STAG1: variants seen among roughly 807,000 people sequenced by gnomAD.
STAG1 encodes the protein cohesin subunit SA-1.
In STAG1, 26 loss-of-function variants were observed where a neutral mutation model predicts 170.9. The ratio of observed to expected loss-of-function variants is 0.15; its 90% CI spans 0.11 to 0.21. The LOEUF (loss-of-function observed/expected upper bound fraction) is 0.21. Ranked by LOEUF, STAG1 falls within the 10% of genes least tolerant of loss-of-function variation. The pLI is 1.00. For synonymous variants in STAG1, 514 were observed against 497.7 expected (o/e 1.03, Z -0.44); for missense variants, 964 against 1,509.5 (o/e 0.64, Z 5.99).
At chr3:136,454,249 T>C (rs1189773141) in intron 13 of STAG1, among the ~76,000 whole-genome samples, 1 of 151,840 alleles carries the variant, frequency 6.6e-6, no homozygotes, top group Admixed American at 6.6e-5. Flanking sequence ...CAGCTAATTT[T>C]TGTATTTTCT....
At chr3:136,439,389 G>GACACGC (rs2088563296) in intron 15 of STAG1, among the ~76,000 whole-genome samples, 1 of 95,834 alleles carries the variant, frequency 1.0e-5, no homozygotes, top group Admixed American at 1.1e-4. Flanking sequence ...AACACCCCCC[G>GACACGC]ACACACACAC....
chr3:136,553,525 C>A (rs748288106), intron 5 of STAG1, among the ~76,000 whole-genome samples: 53 of 152,298 alleles, frequency 3.5e-4, no homozygotes, highest in Non-Finnish European at 6.5e-4. Flanking sequence ...CCTGTAATCC[C>A]AGCACTTTGG....
intron 32 of STAG1, among the ~76,000 whole-genome samples, chr3:136,339,298 G>A (rs571640379): frequency 6.6e-6 from 1 of 152,284 alleles, no homozygotes; most frequent in African/African-American, 2.4e-5. Flanking sequence ...TCCCAGGTGG[G>A]CGGATCACGA....
chr3:136,398,621 G>A lies in STAG1; in HGVS notation c.2277+128C>T, dbSNP rs112399972. The A allele has an allele frequency of 7.7e-4, 296 of 385,270 alleles. 1 individual carries two copies. Among genetic ancestry groups the A allele is most frequent in the African/African-American group, 2.5e-3 (115 of 45,786 alleles). The allele number at this position is 385,270 out of a possible 1,614,324, so 23.9% of individuals were successfully genotyped here. ...TAAGATAAACCAAGAACTGGTAATA[G>A]TCATATATTTTATTAAATATTACAA... On this transcript the variant is annotated intron_variant, in intron 22 of 33. Transcript: ENST00000383202.
intron 1 of STAG1, among the ~76,000 whole-genome samples, chr3:136,691,444 A>T (rs1942719960): frequency 6.6e-6 from 1 of 151,720 alleles, no homozygotes; most frequent in Non-Finnish European, 1.5e-5. Context: ...AAAAAAAAAA[A>T]TTAGCTGGGC....
chr3:136,658,517 C>T (rs1409398946), intron 1 of STAG1, among the ~76,000 whole-genome samples: 1 of 149,880 alleles, frequency 6.7e-6, no homozygotes, highest in Non-Finnish European at 1.5e-5. Flanking sequence ...ATAATCAGTT[C>T]ATCAATTTCA....
At chr3:136,454,242 C>T (rs1225895421) in intron 13 of STAG1, among the ~76,000 whole-genome samples, 2 of 151,874 alleles carry the variant, frequency 1.3e-5, no homozygotes, top group African/African-American at 2.4e-5. Flanking sequence ...CCATGCCCAG[C>T]TAATTTTTGT....
chr3:136,503,169 C>T (rs1444948938), intron 7 of STAG1, among the ~76,000 whole-genome samples: 1 of 151,882 alleles, frequency 6.6e-6, no homozygotes, highest in East Asian at 1.9e-4. Context: ...AGTACCTTTA[C>T]TTAAATGTGT....
chr3:136,384,350 TGA>T (rs984334005), intron 22 of STAG1, among the ~76,000 whole-genome samples: 23 of 150,312 alleles, frequency 1.5e-4, no homozygotes, highest in African/African-American at 5.6e-4. Flanking sequence ...CTCCAGAGGC[TGA>T]GACAGGAGAA....
chr3:136,574,923 CTG>C (rs1937400432), intron 4 of STAG1, among the ~76,000 whole-genome samples: 1 of 152,138 alleles, frequency 6.6e-6, no homozygotes, highest in African/African-American at 2.4e-5. Flanking sequence ...AATCAAACCT[CTG>C]TAAGTTTTTA....
intron 21 of STAG1, among the ~76,000 whole-genome samples, chr3:136,405,791 CAAAAAAAAAAAAAAAAAAAA>C (rs34952291): frequency 1.6e-4 from 8 of 50,080 alleles, no homozygotes; most frequent in African/African-American, 7.2e-4. Context: ...ACTCTATCTC[CAAAAAAAAAAAAAAAAAAAA>C]AAAAAAAAAA....
intron 23 of STAG1, among the ~76,000 whole-genome samples, chr3:136,377,126 A>G (rs1937639448): frequency 6.8e-6 from 1 of 146,202 alleles, no homozygotes; most frequent in African/African-American, 2.5e-5. Context: ...TCGGCCGGGC[A>G]CGGTGGCTCA....
intron 9 of STAG1, among the ~76,000 whole-genome samples, chr3:136,481,004 A>G (rs1382688145): frequency 1.5e-5 from 2 of 130,830 alleles, no homozygotes; most frequent in East Asian, 2.7e-4. Flanking sequence ...TTTTCTAGAT[A>G]TACAATCATG....
intron 7 of STAG1, among the ~76,000 whole-genome samples, chr3:136,520,870 A>C (rs910914546): frequency 2.0e-5 from 3 of 152,148 alleles, no homozygotes; most frequent in African/African-American, 7.2e-5. Context: ...TTATGCGATG[A>C]AAAAATACAA....
intron 4 of STAG1, among the ~76,000 whole-genome samples, chr3:136,576,171 C>A (rs1032399488): frequency 4.6e-5 from 7 of 152,144 alleles, no homozygotes; most frequent in African/African-American, 7.2e-5. Context: ...ACTAGTAATA[C>A]AAATGAGCTG....
chr3:136,384,935 G>C (rs982212588), intron 22 of STAG1, among the ~76,000 whole-genome samples: 8 of 152,206 alleles, frequency 5.3e-5, no homozygotes, highest in African/African-American at 1.7e-4. Context: ...GAATACATTG[G>C]AATTTTACTT....
At chr3:136,344,126 T>G in intron 29 of STAG1, 120 bp from the exon 30 acceptor site, 1 of 632,240 alleles carries the variant, frequency 1.6e-6, no homozygotes, top group Non-Finnish European at 2.5e-6. Context: ...TAAATCTCAG[T>G]TCCACCACTT....
intron 6 of STAG1, among the ~76,000 whole-genome samples, chr3:136,540,143 G>T (rs1935819992): frequency 6.6e-6 from 1 of 151,808 alleles, no homozygotes; most frequent in Non-Finnish European, 1.5e-5. Context: ...CTTAAAATAA[G>T]TTATATTTCA....
In STAG1 at chr3:136,752,175, TCGCCGCCGCC is replaced by T. The variant is rs1935298896; in HGVS notation, c.-84+10_-84+19del. The T allele has an allele frequency of 6.6e-6, 1 of 152,580 alleles. No homozygotes were observed. The highest frequency in any genetic ancestry group is 6.6e-5 in the Admixed American group (1 of 15,226). 9.5% of individuals were successfully genotyped at this position (152,580 alleles called of 1,614,324 possible). A position where few individuals can be genotyped will look rare whatever the true frequency, so the allele number is the denominator to read the frequency against. On this transcript the variant is annotated intron_variant, in intron 1 of 33. Coordinates refer to ENST00000383202, the MANE Select transcript of STAG1 (RefSeq NM_005862.3). ...CCCTCTTTCCCGCCCCCCGCCGCCG[TCGCCGCCGCC>T]CGCACTCACCTCAGCTGCCCATCCG...
Sources: allele counts gnomAD v4.1 joint callset (sites outside exome capture counted in the v4.1 genomes callset), GRCh38; gene constraint gnomAD v4.1.1; transcripts MANE v1.5; gene names NCBI Gene and HGNC (gene_info 2026-07-23, HGNC 2026-07-21).